The following CELF2 variants were observed in gnomAD, a reference collection of about 807,000 sequenced individuals.
The protein encoded by CELF2 is CUGBP Elav-like family member 2.
Under a neutral mutation model 62.6 loss-of-function variants are expected in CELF2, and 8 were observed. The observed-to-expected ratio is 0.13, with a 90% confidence interval of 0.07 to 0.23. The LOEUF is 0.23. Ranked by LOEUF, CELF2 falls within the 10% of genes least tolerant of loss-of-function variation. The pLI is 1.00. For missense variants in CELF2, 333 were observed against 671.0 expected (o/e 0.50, Z 5.56); for synonymous variants, 258 against 250.0 (o/e 1.03, Z -0.30).
chr10:10,512,332 T>G, the CELF2 span, among the ~76,000 whole-genome samples: 2 of 151,594 alleles, frequency 1.3e-5, no homozygotes, highest in African/African-American at 2.4e-5. Context: ...GAATGAATTC[T>G]CTACTGCTGA....
At chr10:10,977,959 T>C (rs1019340974) in intron 2 of CELF2, among the ~76,000 whole-genome samples, 3 of 152,174 alleles carry the variant, frequency 2.0e-5, no homozygotes, top group Admixed American at 2.0e-4. Context: ...TGTTAGCTCT[T>C]CTTGTGCTAT....
the CELF2 span, among the ~76,000 whole-genome samples, chr10:10,782,393 AG>A: frequency 2.0e-5 from 3 of 152,222 alleles, no homozygotes; most frequent in Admixed American, 6.5e-5. Context: ...GCAGAAAGAA[AG>A]GGGGCAAATT....
At chr10:11,281,915 CT>C (rs1016414557) in intron 8 of CELF2, among the ~76,000 whole-genome samples, 20 of 152,288 alleles carry the variant, frequency 1.3e-4, no homozygotes, top group Middle Eastern at 3.4e-3. Flanking sequence ...AAAATTCGTA[CT>C]GGCCCCAATG....
chr10:11,114,276 A>G (rs529210295), intron 1 of CELF2, among the ~76,000 whole-genome samples: 1 of 152,394 alleles, frequency 6.6e-6, no homozygotes, highest in East Asian at 1.9e-4. Flanking sequence ...TGTTTTGAAC[A>G]TAGAAATAAT....
intron 1 of CELF2, among the ~76,000 whole-genome samples, chr10:11,128,164 C>A (rs1184938432): frequency 1.3e-5 from 2 of 152,122 alleles, no homozygotes. Context: ...TTGTTTTTGT[C>A]AGGTTTGTCA....
chr10:10,701,822 G>A, the CELF2 span, among the ~76,000 whole-genome samples: 1 of 152,130 alleles, frequency 6.6e-6, no homozygotes, highest in East Asian at 1.9e-4. Context: ...AAAGTCCCTC[G>A]TGCTGCAGTT....
intron 1 of CELF2, among the ~76,000 whole-genome samples, chr10:11,140,605 A>G (rs2061185708): frequency 2.0e-5 from 3 of 152,196 alleles, no homozygotes; most frequent in African/African-American, 7.2e-5. Context: ...TATATTGGAA[A>G]AAAGTACACA....
chr10:10,533,753 G>C, the CELF2 span, among the ~76,000 whole-genome samples: 1 of 152,304 alleles, frequency 6.6e-6, no homozygotes, highest in Middle Eastern at 3.4e-3. Flanking sequence ...AATAAGTTAA[G>C]GTCAAAGTAT....
At chr10:10,715,612 T>C in the CELF2 span, among the ~76,000 whole-genome samples, 462 of 152,342 alleles carry the variant, frequency 3.0e-3, 1 homozygote, top group Non-Finnish European at 4.7e-3. Context: ...GATTGTTCTA[T>C]GAAATAAAAC....
At chr10:11,028,718 CTTTT>C (rs71378776) in intron 1 of CELF2, among the ~76,000 whole-genome samples, 28 of 125,168 alleles carry the variant, frequency 2.2e-4, no homozygotes, top group Non-Finnish European at 3.0e-4. Context: ...CGCACCCAGC[CTTTT>C]TTTTTTTTTT....
At chr10:10,474,929 C>A in the CELF2 span, among the ~76,000 whole-genome samples, 4 of 151,972 alleles carry the variant, frequency 2.6e-5, no homozygotes, top group African/African-American at 9.7e-5. Flanking sequence ...AGTAGTAGAT[C>A]TGAAGGGTTC....
chr10:10,911,928 C>T (rs559120949), intron 1 of CELF2, among the ~76,000 whole-genome samples: 10 of 152,300 alleles, frequency 6.6e-5, no homozygotes, highest in East Asian at 5.8e-4. Context: ...TATCTCTTGT[C>T]GAAACCTACA....
At chr10:11,154,970 T>TGAATGACA (rs2064032957) in intron 1 of CELF2, among the ~76,000 whole-genome samples, 1 of 152,238 alleles carries the variant, frequency 6.6e-6, no homozygotes, top group African/African-American at 2.4e-5. Flanking sequence ...AGTCAGTTGT[T>TGAATGACA]GCATTGAATG....
intron 1 of CELF2, among the ~76,000 whole-genome samples, chr10:10,810,434 G>C (rs1465065277): frequency 6.6e-6 from 1 of 150,486 alleles, no homozygotes; most frequent in Admixed American, 6.6e-5. Context: ...TTTCCAATTA[G>C]TTTTTCTTTG....
chr10:11,168,249 A>G (rs557005159), intron 2 of CELF2, among the ~76,000 whole-genome samples: 9 of 152,340 alleles, frequency 5.9e-5, no homozygotes, highest in African/African-American at 1.9e-4. Context: ...ATACAGGTCA[A>G]TTCCCATTAC....
At chr10:11,229,801 G>A (rs1358728659) in intron 3 of CELF2, among the ~76,000 whole-genome samples, 2 of 152,056 alleles carry the variant, frequency 1.3e-5, no homozygotes, top group South Asian at 2.1e-4. Flanking sequence ...TGTTAGCCAG[G>A]CTAGTCTTGA....
At chr10:10,889,520 A>G (rs530187915) in intron 1 of CELF2, among the ~76,000 whole-genome samples, 20 of 152,200 alleles carry the variant, frequency 1.3e-4, no homozygotes, top group Non-Finnish European at 2.2e-4. Flanking sequence ...CTCTATCAGA[A>G]CTGGAGAATG....
At chr10:10,784,007 G>T in the CELF2 span, among the ~76,000 whole-genome samples, 2 of 151,810 alleles carry the variant, frequency 1.3e-5, no homozygotes, top group African/African-American at 4.8e-5. Flanking sequence ...AATAAATAAA[G>T]AACTGAAGGT....
At chr10:11,082,478 G>A (rs1014811933) in intron 1 of CELF2, among the ~76,000 whole-genome samples, 1 of 152,154 alleles carries the variant, frequency 6.6e-6, no homozygotes, top group Non-Finnish European at 1.5e-5. Flanking sequence ...GGCCCTGCAG[G>A]GCAGTAACTG....
Sources: allele counts gnomAD v4.1 joint callset (sites outside exome capture counted in the v4.1 genomes callset), GRCh38; gene constraint gnomAD v4.1.1; transcripts MANE v1.5; gene names NCBI Gene and HGNC (gene_info 2026-07-23, HGNC 2026-07-21).